Variants in PDE1A observed in about 807,000 individuals in gnomAD.
PDE1A encodes phosphodiesterase 1A, also known as dual specificity calcium/calmodulin-dependent 3',5'-cyclic nucleotide phosphodiesterase 1A.
A neutral mutation model predicts 61.7 loss-of-function variants in PDE1A; 35 were observed. That is an observed-to-expected ratio of 0.57 (90% CI 0.43 to 0.75). The LOEUF is 0.75. Ranked by LOEUF, PDE1A falls within the 30% of genes least tolerant of loss-of-function variation. The pLI, the probability that PDE1A is intolerant of heterozygous loss-of-function variation, is 0.00. For missense variants in PDE1A, 597 were observed against 630.6 expected, an observed-to-expected ratio of 0.95 and a Z score of 0.57; for synonymous variants, 232 against 213.2, an observed-to-expected ratio of 1.09 and a Z score of -0.77.
chr2:182,493,920 G>C (rs1358424625), intron 2 of PDE1A, among the ~76,000 whole-genome samples: 3 of 152,172 alleles, frequency 2.0e-5, no homozygotes, highest in Non-Finnish European at 4.4e-5. Flanking sequence ...GATTACATGT[G>C]TGAACCACTG....
chr2:182,323,261 T>G (rs1269700598), intron 1 of PDE1A, among the ~76,000 whole-genome samples: 1 of 152,188 alleles, frequency 6.6e-6, no homozygotes, highest in Non-Finnish European at 1.5e-5. Context: ...TGTGGCTTAT[T>G]GTCAATGCTG....
chr2:182,280,862 T>C (rs1018649229), intron 1 of PDE1A, among the ~76,000 whole-genome samples: 1 of 151,916 alleles, frequency 6.6e-6, no homozygotes, highest in African/African-American at 2.4e-5. Flanking sequence ...GGCAAAATGA[T>C]AGTAATAAGG....
chr2:182,251,411 T>C (rs993196332), intron 2 of PDE1A, among the ~76,000 whole-genome samples: 1 of 150,504 alleles, frequency 6.6e-6, no homozygotes, highest in Non-Finnish European at 1.5e-5. Context: ...TCTCTTTTTT[T>C]GTGTATGGTC....
intron 1 of PDE1A, among the ~76,000 whole-genome samples, chr2:182,397,373 TCC>T (rs1200813173): frequency 6.6e-6 from 1 of 152,044 alleles, no homozygotes; most frequent in Non-Finnish European, 1.5e-5. Context: ...GATTGCCATA[TCC>T]CCAAAAGTGA....
In PDE1A at chr2:182,276,912, C is replaced by A. The variant is rs188175228; in HGVS notation, c.54-12498G>T. Among the ~76,000 whole-genome samples, 138 of 152,044 alleles carry A rather than the reference C, an allele frequency of 9.1e-4. 1 individual carries two copies. Among genetic ancestry groups the A allele is most frequent in the Admixed American group, 3.0e-3 (46 of 15,252 alleles). On this transcript the variant is annotated intron_variant, in intron 1 of 13. Transcript: ENST00000351439. ...ATACGCCCTGGTCTCCTGCAGTACC[C>A]TCGGGCTTATTAGGGTGGGGAAAAA...
chr2:182,634,145 C>G, the PDE1A span, among the ~76,000 whole-genome samples: 1 of 151,898 alleles, frequency 6.6e-6, no homozygotes. Flanking sequence ...ATCCTTTTAT[C>G]TGACACATCA....
intron 12 of PDE1A, 94 bp downstream of exon 12, chr2:182,186,374 A>C: frequency 7.1e-7 from 1 of 1,413,812 alleles, no homozygotes; most frequent in Non-Finnish European, 9.8e-7. Context: ...TCTTGTGAGA[A>C]TTCTCTGCCT....
the PDE1A span, among the ~76,000 whole-genome samples, chr2:182,649,625 A>AT: frequency 3.4e-5 from 5 of 148,512 alleles, no homozygotes; most frequent in Admixed American, 1.3e-4. Flanking sequence ...AAAAAAAAAA[A>AT]ATTGAGATGG....
intron 2 of PDE1A, among the ~76,000 whole-genome samples, chr2:182,459,223 T>A (rs1297001781): frequency 6.6e-6 from 1 of 152,074 alleles, no homozygotes; most frequent in Non-Finnish European, 1.5e-5. Context: ...AGCACCAACA[T>A]CAAAGACAGA....
rs191674691 is a variant in PDE1A, at chr2:182,351,825, T to C, written c.53+74753A>G. Reference sequence around the variant, plus strand: ...GGCAACGGATCTGAACCATAATTAATTGATGTTAATAATCCACTTGATGCT... The same window carrying C: ...GGCAACGGATCTGAACCATAATTAACTGATGTTAATAATCCACTTGATGCT... On this transcript the variant is annotated intron_variant, in intron 1 of 13. Transcript: ENST00000351439. Among the ~76,000 whole-genome samples the C allele has an allele frequency of 5.3e-5, 8 of 152,294 alleles. No individual in the cohort carries two copies. The East Asian group carries it at 1.4e-3, about 26-fold the overall frequency.
chr2:182,181,746 T>G (rs1454492964), intron 13 of PDE1A, among the ~76,000 whole-genome samples: 2 of 152,186 alleles, frequency 1.3e-5, no homozygotes, highest in African/African-American at 2.4e-5. Flanking sequence ...CTGGAGCTGC[T>G]GGATTTCCTG....
chr2:182,255,034 T>C (rs888111804), intron 2 of PDE1A, among the ~76,000 whole-genome samples: 2 of 152,132 alleles, frequency 1.3e-5, no homozygotes, highest in African/African-American at 4.8e-5. Flanking sequence ...GAAAGAAAAC[T>C]TTTCTCATTC....
At chr2:182,568,160 A>G in the PDE1A span, among the ~76,000 whole-genome samples, 1 of 152,032 alleles carries the variant, frequency 6.6e-6, no homozygotes, top group Non-Finnish European at 1.5e-5. Flanking sequence ...AGTTTCCTTT[A>G]GTTAAATTTA....
the PDE1A span, among the ~76,000 whole-genome samples, chr2:182,602,992 C>CACACACACAT: frequency 4.6e-4 from 60 of 130,486 alleles, no homozygotes; most frequent in Middle Eastern, 8.9e-3. Context: ...CACACACACA[C>CACACACACAT]ACATACATAC....
chr2:182,631,304 AT>A, the PDE1A span, among the ~76,000 whole-genome samples: 1 of 151,514 alleles, frequency 6.6e-6, no homozygotes, highest in East Asian at 1.9e-4. Context: ...TAATTAATTA[AT>A]TTATTCATTT....
At chr2:182,518,581 AATTAGCG>A (rs1306448517) in intron 2 of PDE1A, among the ~76,000 whole-genome samples, 1 of 152,188 alleles carries the variant, frequency 6.6e-6, no homozygotes, top group Admixed American at 6.5e-5. Flanking sequence ...AGACGTGTAA[AATTAGCG>A]ATCAGATATA....
chr2:182,435,940 G>A (rs1684373585), intron 2 of PDE1A, among the ~76,000 whole-genome samples: 1 of 151,990 alleles, frequency 6.6e-6, no homozygotes, highest in Non-Finnish European at 1.5e-5. Context: ...ATTCCTAAAT[G>A]CTAAACTATT....
At chr2:182,687,313 T>G in the PDE1A span, among the ~76,000 whole-genome samples, 1 of 152,168 alleles carries the variant, frequency 6.6e-6, no homozygotes, top group Non-Finnish European at 1.5e-5. Flanking sequence ...CACACAGGGC[T>G]GGGTTTCCCT....
At chr2:182,382,359 CT>C (rs1484836753) in intron 1 of PDE1A, among the ~76,000 whole-genome samples, 4 of 152,174 alleles carry the variant, frequency 2.6e-5, no homozygotes, top group African/African-American at 9.7e-5. Context: ...GAAGAGCAGT[CT>C]TTAGAAGCTA....
Sources: gnomAD v4.1 joint callset for allele counts (sites outside exome capture counted in the v4.1 genomes callset) on GRCh38, gnomAD v4.1.1 for gene constraint, MANE v1.5 for transcripts, NCBI Gene and HGNC (gene_info 2026-07-23, HGNC 2026-07-21) for gene names.